Variants in THUMPD2 observed in about 807,000 individuals in gnomAD.
THUMPD2 encodes U6 snRNA (guanine-N(2))-methyltransferase THUMPD2.
A neutral mutation model predicts 49.4 loss-of-function variants in THUMPD2; 56 were observed. The observed-to-expected ratio is 1.13, with a 90% CI of 0.91 to 1.41. The LOEUF is 1.41. Among genes scored for constraint, THUMPD2 ranks in the 40% most tolerant of loss-of-function variants. THUMPD2 has a pLI of 0.00. For synonymous variants in THUMPD2, 237 were observed against 205.2 expected (o/e 1.15, Z -1.32); for missense variants, 709 against 594.5 (o/e 1.19, Z -2.00).
At chr2:39,764,159 ACT>A (rs1182401697) in intron 5 of THUMPD2, among the ~76,000 whole-genome samples, 1 of 152,108 alleles carries the variant, frequency 6.6e-6, no homozygotes, top group Non-Finnish European at 1.5e-5. Flanking sequence ...CTCTTTCCTA[ACT>A]CTAATCAAGC....
chr2:39,770,867 A>T (rs1007588475), intron 2 of THUMPD2, among the ~76,000 whole-genome samples: 1 of 152,128 alleles, frequency 6.6e-6, no homozygotes, highest in African/African-American at 2.4e-5. Flanking sequence ...CTATAAATAC[A>T]TGATCTCTTA....
At chr2:39,772,319 A>G (rs1678444145) in intron 1 of THUMPD2, among the ~76,000 whole-genome samples, 1 of 152,224 alleles carries the variant, frequency 6.6e-6, no homozygotes, top group Non-Finnish European at 1.5e-5. Flanking sequence ...TGAAATTTTG[A>G]GTACCACGAA....
In THUMPD2 at chr2:39,771,570, G is replaced by C. The variant is rs765202015; in HGVS notation, c.197C>G (p.Ser66Cys). Residue 66 changes from serine to cysteine, a missense_variant, in exon 2 of 10, where the codon TCT (serine) becomes TGT (cysteine). Coordinates refer to ENST00000505747, the MANE Select transcript of THUMPD2 (RefSeq NM_025264.5). ...SDLNMLKKLKSAERLFLLIKK... is the reference protein window; with the variant it reads ...SDLNMLKKLKCAERLFLLIKK... The stretch of plus-strand genomic sequence containing the variant: ...AATCAGCAAAAATAATCTTTCTGCA[G>C]ATTTTAATTTCTTCAACATATTCAA... 6.2e-7 allele frequency: 1 copy of C among 1,606,468 alleles called. No individual in the cohort carries two copies. The highest frequency in any genetic ancestry group is 2.2e-5 in the East Asian group (1 of 44,622).
Position 39,744,384 on chromosome 2 carries a change from T to C in THUMPD2, c.1173A>G (p.Leu391=). The part of the protein sequence containing the change: ...FKLGKDIKSI[L]QEMERVLHVG... Reference sequence around the variant, plus strand: ...CAACAACTTACCTTTCCATTTCTTGTAGAATGCTTTTGATGTCTTTTCCTA... The same window carrying C: ...CAACAACTTACCTTTCCATTTCTTGCAGAATGCTTTTGATGTCTTTTCCTA... The change falls in exon 9 of 10, where the codon CTA becomes CTG. Residue 391 remains leucine, a synonymous_variant. Transcript: ENST00000505747. The C allele has an allele frequency of 1.3e-6, 2 of 1,570,818 alleles. No individual in the cohort carries two copies. The highest frequency in any genetic ancestry group is 2.4e-5 in the East Asian group (1 of 42,506).
chr2:39,763,759 G>T (rs902155102), intron 5 of THUMPD2, among the ~76,000 whole-genome samples: 10 of 152,030 alleles, frequency 6.6e-5, no homozygotes, highest in African/African-American at 2.4e-4. Context: ...TTGCTTTAAG[G>T]ATAACATCCA....
intron 5 of THUMPD2, among the ~76,000 whole-genome samples, chr2:39,762,691 G>A (rs750667318): frequency 1.3e-5 from 2 of 150,854 alleles, no homozygotes; most frequent in East Asian, 1.9e-4. Context: ...CAATTATCTT[G>A]CTATAAAACA....
In THUMPD2 at chr2:39,779,228, C is replaced by A. The variant is rs371296499; in HGVS notation, c.12G>T (p.Ala4=). The change falls in exon 1 of 10, where the codon GCG becomes GCT. Residue 4 remains alanine (A), a synonymous_variant. Coordinates refer to ENST00000505747, the MANE Select transcript of THUMPD2 (RefSeq NM_025264.5). MSE[A]RGEPGSGPEA... is the part of the protein sequence containing the mutation. ...CAGGCCCGGACCCTGGCTCTCCACG[C>A]GCCTCCGACATGGCGGCTCAGGCGC... is the stretch of plus-strand genomic sequence containing the variant. 1.3e-3 allele frequency: 2,017 copies of A among 1,496,404 alleles called. 58 individuals are homozygous for A. The East Asian group carries it at 0.05, about 37-fold the overall frequency. 92.7% of individuals were successfully genotyped at this position (1,496,404 alleles called of 1,614,324 possible).
intron 1 of THUMPD2, among the ~76,000 whole-genome samples, chr2:39,776,562 T>C (rs943221138): frequency 5.9e-5 from 9 of 152,062 alleles, no homozygotes; most frequent in Admixed American, 4.6e-4. Context: ...CCTGGATTTT[T>C]GTATTTTTAG....
intron 4 of THUMPD2, among the ~76,000 whole-genome samples, chr2:39,766,732 T>C (rs1360762106): frequency 6.6e-6 from 1 of 152,220 alleles, no homozygotes; most frequent in East Asian, 1.9e-4. Flanking sequence ...TAAATGCTGT[T>C]ATGAACCTCA....
At chr2:39,739,263 T>G (rs993807219) in intron 9 of THUMPD2, among the ~76,000 whole-genome samples, 2 of 152,164 alleles carry the variant, frequency 1.3e-5, no homozygotes, top group Non-Finnish European at 2.9e-5. Context: ...TACCTACCTT[T>G]TTGATGTCAC....
At chr2:39,768,396 T>C (rs1422493649) in intron 4 of THUMPD2, 28 bp downstream of exon 4, 1 of 1,537,382 alleles carries the variant, frequency 6.5e-7, no homozygotes. Flanking sequence ...AGGTTACAAG[T>C]ATATAAAATA....
intron 8 of THUMPD2, among the ~76,000 whole-genome samples, chr2:39,749,324 A>C (rs1291757381): frequency 6.6e-6 from 1 of 152,222 alleles, no homozygotes; most frequent in African/African-American, 2.4e-5. Flanking sequence ...TATCTTTCTA[A>C]ATTATGTGAT....
rs557620288 is a variant in THUMPD2, at chr2:39,751,950, G to A, written c.1078+3345C>T. On this transcript the variant is annotated intron_variant, in intron 8 of 9. Coordinates refer to ENST00000505747, the MANE Select transcript of THUMPD2 (RefSeq NM_025264.5). ...GATCTGCCTGCCTCAGCCTTCCAAA[G>A]TGCTGGGATTATAGGCATAAAGCCA... is the stretch of plus-strand genomic sequence containing the variant. Among the ~76,000 whole-genome samples, 298 of 152,184 alleles carry A rather than the reference G, an allele frequency of 2.0e-3. 4 individuals carry two copies. Among genetic ancestry groups the A allele is most frequent in the South Asian group, 8.7e-3 (42 of 4,818 alleles).
chr2:39,742,455 C>T (rs1294586311), intron 9 of THUMPD2, among the ~76,000 whole-genome samples: 2 of 152,156 alleles, frequency 1.3e-5, no homozygotes, highest in Admixed American at 1.3e-4. Context: ...CCAAACCCAT[C>T]CTAGAGAAAG....
At chr2:39,755,466 TAAG>T in intron 7 of THUMPD2, 57 bp from the exon 8 acceptor site, 1 of 1,179,102 alleles carries the variant, frequency 8.5e-7, no homozygotes, top group South Asian at 1.5e-5. Context: ...TTCATGTAGT[TAAG>T]AAAATCGACT....
intron 8 of THUMPD2, among the ~76,000 whole-genome samples, chr2:39,745,200 C>T (rs1310583742): frequency 6.6e-6 from 1 of 152,070 alleles, no homozygotes; most frequent in Non-Finnish European, 1.5e-5. Flanking sequence ...ACAGATGTCC[C>T]AATTTTCATT....
chr2:39,759,999 T>A (rs62137329), intron 6 of THUMPD2, among the ~76,000 whole-genome samples: 7 of 152,164 alleles, frequency 4.6e-5, no homozygotes, highest in Non-Finnish European at 1.0e-4. Context: ...GCAATAAACC[T>A]TGTAATGTAT....
At position 39,739,456 on chromosome 2, in the gene THUMPD2, C is replaced by G. The variant is rs556969700; in HGVS notation, c.1188-2397G>C. Among the ~76,000 whole-genome samples the G allele has an allele frequency of 2.0e-5, 3 of 152,294 alleles. No homozygotes were observed. In the East Asian group the frequency reaches 5.8e-4, roughly 29 times the overall value. ...TTCCTGACTACCTAGCTAGGGTAGC[C>G]ACTACTTTTCTCTCACTCTAAAGCA... On this transcript the variant is annotated intron_variant, in intron 9 of 9. Transcript: ENST00000505747.
intron 9 of THUMPD2, among the ~76,000 whole-genome samples, chr2:39,738,014 G>A (rs1673359783): frequency 6.6e-6 from 1 of 152,150 alleles, no homozygotes; most frequent in Admixed American, 6.5e-5. Flanking sequence ...TACACAGCCT[G>A]GAGTAATGGA....
Sources: allele counts gnomAD v4.1 joint callset (sites outside exome capture counted in the v4.1 genomes callset), GRCh38; gene constraint gnomAD v4.1.1; transcripts MANE v1.5; gene names NCBI Gene and HGNC (gene_info 2026-07-23, HGNC 2026-07-21).